The following MID1IP1 variants were observed in gnomAD, a reference collection of about 807,000 sequenced individuals.
The protein encoded by MID1IP1 is mid1-interacting protein 1.
Under a neutral mutation model 6.8 loss-of-function variants are expected in MID1IP1, and 3 were observed. That is an observed-to-expected ratio of 0.44 (90% CI 0.20 to 1.14). MID1IP1 has a LOEUF of 1.14. Among genes scored for constraint, MID1IP1 ranks in the 50% most tolerant of loss-of-function variants. The pLI is 0.26. For missense variants in MID1IP1, 127 were observed against 158.4 expected (o/e 0.80, Z 1.06); for synonymous variants, 87 against 70.4 (o/e 1.24, Z -1.18).
At position 38,805,668 on chromosome X, in the gene MID1IP1, G is replaced by T. The variant is rs1047582651; in HGVS notation, c.*170G>T. 8.3e-6 allele frequency: 4 copies of T among 482,008 alleles called. No individual in the cohort carries two copies. Among genetic ancestry groups the T allele is most frequent in the African/African-American group, 7.4e-5 (3 of 40,506 alleles). The allele number at this position is 482,008 out of a possible 1,213,427, so 39.7% of individuals were successfully genotyped here. On this transcript the variant is annotated 3_prime_UTR_variant, in exon 3 of 3. Coordinates refer to ENST00000614558, the MANE Select transcript of MID1IP1 (RefSeq NM_021242.6). ...GGGGCTGCGTGGAGGAGGGGGCCACGTGTGAGAGAGAAGAAAATGGTGGCC... is the reference window on the plus strand; with the variant it reads ...GGGGCTGCGTGGAGGAGGGGGCCACTTGTGAGAGAGAAGAAAATGGTGGCC...
chrX:38,805,435 CA>C lies in MID1IP1; in HGVS notation c.492del (p.Ala165ProfsTer78). On this transcript the variant is annotated frameshift_variant, in exon 3 of 3. Coordinates refer to ENST00000614558, the MANE Select transcript of MID1IP1 (RefSeq NM_021242.6). LOFTEE classifies it high-confidence loss of function. ...ACACTGTGCTCTCGAAACTCACGCGCAAAGCCAACATCCTCACTAACAGATA... is the reference window on the plus strand; with the variant it reads ...ACACTGTGCTCTCGAAACTCACGCGCAAGCCAACATCCTCACTAACAGATA... ...LHTVLSKLTRKANILTNRYKQ... is the reference protein window; with the variant it reads ...LHTVLSKLTRXANILTNRYKQ... 8.3e-7 allele frequency: 1 copy of C among 1,209,938 alleles called. No individual in the cohort carries two copies. Among genetic ancestry groups the C allele is most frequent in the Non-Finnish European group, 1.1e-6 (1 of 895,194 alleles).
chrX:38,804,722 G>C lies in MID1IP1; in HGVS notation c.-225G>C, dbSNP rs1229864793. 7.5e-6 allele frequency: 3 copies of C among 402,205 alleles called. No homozygotes were observed. Among genetic ancestry groups the C allele is most frequent in the Non-Finnish European group, 1.3e-5 (3 of 232,027 alleles). The allele number at this position is 402,205 out of a possible 1,213,427, so 33.1% of individuals were successfully genotyped here. ...CACAGAGCACCCTCAGCCATCGCGA[G>C]TTTCCGGGCGCCAAAGCCAGGAGAA... On this transcript the variant is annotated 5_prime_UTR_variant, in exon 3 of 3. Coordinates refer to ENST00000614558, the MANE Select transcript of MID1IP1 (RefSeq NM_021242.6).
Position 38,805,602 on chromosome X carries a change from G to A in MID1IP1, c.*104G>A, listed in dbSNP as rs1436624987. On this transcript the variant is annotated 3_prime_UTR_variant, in exon 3 of 3. Coordinates refer to ENST00000614558, the MANE Select transcript of MID1IP1 (RefSeq NM_021242.6). ...TCCTGGCTGGGGGGCGGGAAGGGCA[G>A]ACTGCAAACTGGGGGGCTGCGTACG... is the stretch of plus-strand genomic sequence containing the variant. The A allele has an allele frequency of 7.0e-5, 55 of 790,482 alleles. No individual in the cohort carries two copies. Among genetic ancestry groups the A allele is most frequent in the Non-Finnish European group, 9.6e-5 (54 of 561,222 alleles). The allele number at this position is 790,482 out of a possible 1,213,427, so 65.1% of individuals were successfully genotyped here. A position where few individuals can be genotyped will look rare whatever the true frequency, so the allele number is the denominator to read the frequency against.
rs779008236 is a variant in MID1IP1, at chrX:38,805,133, C to T, written c.187C>T (p.Leu63=). 1 of 1,209,238 alleles carries T rather than the reference C, an allele frequency of 8.3e-7. No individual in the cohort carries two copies. The highest frequency in any genetic ancestry group is 2.2e-5 in the Admixed American group (1 of 45,858). The stretch of plus-strand genomic sequence containing the variant: ...GGAGGTAGGCGGCAGTGGCGGCTGC[C>T]TGGAGGAGCGCACGCCCCCAGTCCC... ...GVEVGGSGGC[L]EERTPPVPDS... The change falls in exon 3 of 3, where the codon CTG becomes TTG. Residue 63 remains leucine (L), a synonymous_variant. Transcript: ENST00000614558.
chrX:38,802,273 G>A (rs1352936370), intron 1 of MID1IP1, among the ~76,000 whole-genome samples: 2 of 112,619 alleles, frequency 1.8e-5, no homozygotes, highest in Non-Finnish European at 3.7e-5. Flanking sequence ...AGAAACTGAG[G>A]CTAGAAAAGT....
chrX:38,804,807 T>G lies in MID1IP1; in HGVS notation c.-140T>G. The G allele has an allele frequency of 1.6e-6, 1 of 610,433 alleles. No individual in the cohort carries two copies. Among genetic ancestry groups the G allele is most frequent in the Non-Finnish European group, 2.4e-6 (1 of 416,885 alleles). The allele number at this position is 610,433 out of a possible 1,213,427, so 50.3% of individuals were successfully genotyped here. ...ACGAGAGTTGGCGAGGGCGGAGGAGTGCCGGGAATCCCGCCACACCGGCTA... is the reference window on the plus strand; with the variant it reads ...ACGAGAGTTGGCGAGGGCGGAGGAGGGCCGGGAATCCCGCCACACCGGCTA... On this transcript the variant is annotated 5_prime_UTR_variant, in exon 3 of 3. Coordinates refer to ENST00000614558, the MANE Select transcript of MID1IP1 (RefSeq NM_021242.6).
In MID1IP1 at chrX:38,804,352, G is replaced by C. The variant is rs1020038188; in HGVS notation, c.-326G>C. The C allele has an allele frequency of 1.8e-5, 2 of 113,953 alleles. No individual in the cohort carries two copies. Among genetic ancestry groups the C allele is most frequent in the African/African-American group, 6.4e-5 (2 of 31,318 alleles). The allele number at this position is 113,953 out of a possible 1,213,427, so 9.4% of individuals were successfully genotyped here. The stretch of plus-strand genomic sequence containing the variant: ...ACCGCAGCAGCGCCCTTGCGTAGCA[G>C]CCGCTTGCAGCGAGAACACTGAATT... On this transcript the variant is annotated 5_prime_UTR_variant, in exon 2 of 3. Transcript: ENST00000614558.
In MID1IP1 at chrX:38,805,640, G is replaced by A. The variant is rs1485724826; in HGVS notation, c.*142G>A. The A allele has an allele frequency of 5.3e-6, 3 of 562,147 alleles. No individual in the cohort carries two copies. Among genetic ancestry groups the A allele is most frequent in the Non-Finnish European group, 8.5e-6 (3 of 353,888 alleles). 46.3% of individuals were successfully genotyped at this position (562,147 alleles called of 1,213,427 possible). A position where few individuals can be genotyped will look rare whatever the true frequency, so the allele number is the denominator to read the frequency against. The stretch of plus-strand genomic sequence containing the variant: ...GGGGCTGCGTACGTGCAGGAGGCGC[G>A]GTGGGGCTGCGTGGAGGAGGGGGCC... On this transcript the variant is annotated 3_prime_UTR_variant, in exon 3 of 3. Transcript: ENST00000614558.
chrX:38,805,352 G>A lies in MID1IP1; in HGVS notation c.406G>A (p.Ala136Thr), dbSNP rs11541197. The change falls in exon 3 of 3, where the codon GCG becomes ACG. Residue 136 changes from alanine (A) to threonine (T), a missense_variant. By Grantham distance (58) the Ala-to-Thr change is moderately conservative. Coordinates refer to ENST00000614558, the MANE Select transcript of MID1IP1 (RefSeq NM_021242.6). ...ILVDLGHLEG[A>T]DAGEEDLEQQ... ...GGTGGACCTGGGCCACTTGGAGGGT[G>A]CGGACGCCGGCGAAGAAGACCTGGA... is the stretch of plus-strand genomic sequence containing the variant. 3 of 1,208,631 alleles carry A rather than the reference G, an allele frequency of 2.5e-6. No individual in the cohort carries two copies. In the Admixed American group the frequency reaches 6.6e-5, roughly 26 times the overall value.
At position 38,805,564 on chromosome X, in the gene MID1IP1, C is replaced by CTTT; in HGVS notation, c.*77_*79dup. On this transcript the variant is annotated 3_prime_UTR_variant, in exon 3 of 3. Transcript: ENST00000614558. ...TCTCACCCTCTCTCATTCCTCAAAG[C>CTTT]TTTTTTTTTTTTTCCTGGCTGGGGG... 4.7e-6 allele frequency: 4 copies of CTTT among 850,106 alleles called. No individual in the cohort carries two copies. Among genetic ancestry groups the CTTT allele is most frequent in the East Asian group, 3.7e-5 (1 of 27,225 alleles). 70.1% of individuals were successfully genotyped at this position (850,106 alleles called of 1,213,427 possible).
rs992021680 is a variant in MID1IP1 at position 38,804,354 on chromosome X, C to A, written c.-324C>A. On this transcript the variant is annotated 5_prime_UTR_variant, in exon 2 of 3. Transcript: ENST00000614558. ...CGCAGCAGCGCCCTTGCGTAGCAGCCGCTTGCAGCGAGAACACTGAATTGC... is the reference window on the plus strand; with the variant it reads ...CGCAGCAGCGCCCTTGCGTAGCAGCAGCTTGCAGCGAGAACACTGAATTGC... 2.2e-4 allele frequency: 25 copies of A among 113,983 alleles called. No homozygotes were observed. Among genetic ancestry groups the A allele is most frequent in the African/African-American group, 8.0e-4 (25 of 31,361 alleles). 9.4% of individuals were successfully genotyped at this position (113,983 alleles called of 1,213,427 possible).
chrX:38,804,475 G>A, intron 2 of MID1IP1, 62 bp downstream of exon 2: 1 of 66,559 alleles, frequency 1.5e-5, no homozygotes, highest in South Asian at 6.6e-4. Flanking sequence ...AGGCTTTTCG[G>A]AGGGAGAAGT....
In MID1IP1 at chrX:38,805,339, C is replaced by A. The variant is rs1382242978; in HGVS notation, c.393C>A (p.Gly131=). The change falls in exon 3 of 3, where the codon GGC becomes GGA. Residue 131 remains glycine (G), a synonymous_variant. Coordinates refer to ENST00000614558, the MANE Select transcript of MID1IP1 (RefSeq NM_021242.6). The part of the protein sequence containing the change: ...WKSKDILVDL[G]HLEGADAGEE... ...CCAAGGACATCCTGGTGGACCTGGGCCACTTGGAGGGTGCGGACGCCGGCG... is the reference window on the plus strand; with the variant it reads ...CCAAGGACATCCTGGTGGACCTGGGACACTTGGAGGGTGCGGACGCCGGCG... 2 of 1,209,456 alleles carry A rather than the reference C, an allele frequency of 1.7e-6. No individual in the cohort carries two copies. Among genetic ancestry groups the A allele is most frequent in the Admixed American group, 4.4e-5 (2 of 45,848 alleles).
At position 38,804,788 on chromosome X, in the gene MID1IP1, G is replaced by A. The variant is rs1471875931; in HGVS notation, c.-159G>A. 5 of 544,321 alleles carry A rather than the reference G, an allele frequency of 9.2e-6. No individual in the cohort carries two copies. The highest frequency in any genetic ancestry group is 7.6e-5 in the East Asian group (2 of 26,329). 44.9% of individuals were successfully genotyped at this position (544,321 alleles called of 1,213,427 possible). A position where few individuals can be genotyped will look rare whatever the true frequency, so the allele number is the denominator to read the frequency against. On this transcript the variant is annotated 5_prime_UTR_variant, in exon 3 of 3. Transcript: ENST00000614558. ...GGGCCGGTCTGCCAGCGAGACGAGA[G>A]TTGGCGAGGGCGGAGGAGTGCCGGG...
Position 38,803,400 on chromosome X carries a change from C to T in MID1IP1, c.-1278C>T, listed in dbSNP as rs2070475781. Reference sequence around the variant, plus strand: ...CTAACTACTGTCACCCTCTCCTGGCCTCTTGGCAGCCAAAAGGCCACATGG... The same window carrying T: ...CTAACTACTGTCACCCTCTCCTGGCTTCTTGGCAGCCAAAAGGCCACATGG... On this transcript the variant is annotated 5_prime_UTR_variant, in exon 2 of 3. Transcript: ENST00000614558. 1.8e-5 allele frequency: 2 copies of T among 113,243 alleles called. No individual in the cohort carries two copies. The highest frequency in any genetic ancestry group is 3.7e-5 in the Non-Finnish European group (2 of 53,446). The allele number at this position is 113,243 out of a possible 1,213,427, so 9.3% of individuals were successfully genotyped here. A position where few individuals can be genotyped will look rare whatever the true frequency, so the allele number is the denominator to read the frequency against.
Position 38,804,875 on chromosome X carries a change from G to T in MID1IP1, c.-72G>T. 1 of 1,066,311 alleles carries T rather than the reference G, an allele frequency of 9.4e-7. No individual in the cohort carries two copies. The highest frequency in any genetic ancestry group is 2.3e-5 in the South Asian group (1 of 43,097). The allele number at this position is 1,066,311 out of a possible 1,213,427, so 87.9% of individuals were successfully genotyped here. Reference sequence around the variant, plus strand: ...CGGGCCTTGGAGAGCGCGTGAAGGCGGGCATCCCCTTGACCCGGCCGACCA... The same window carrying T: ...CGGGCCTTGGAGAGCGCGTGAAGGCTGGCATCCCCTTGACCCGGCCGACCA... On this transcript the variant is annotated 5_prime_UTR_variant, in exon 3 of 3. Transcript: ENST00000614558.
intron 2 of MID1IP1, 34 bp from the exon 3 acceptor site, chrX:38,804,644 ATAATC>A (rs2070495295): frequency 4.0e-6 from 1 of 249,668 alleles, no homozygotes; most frequent in African/African-American, 2.8e-5. Context: ...AGCAGGGTGA[ATAATC>A]TAATCTGTTC....
chrX:38,804,772 T>A lies in MID1IP1; in HGVS notation c.-175T>A. On this transcript the variant is annotated 5_prime_UTR_variant, in exon 3 of 3. Transcript: ENST00000614558. ...AGCCGCCCATCCCGCAGGGCCGGTC[T>A]GCCAGCGAGACGAGAGTTGGCGAGG... 1 of 490,895 alleles carries A rather than the reference T, an allele frequency of 2.0e-6. No individual in the cohort carries two copies. The highest frequency in any genetic ancestry group is 3.2e-6 in the Non-Finnish European group (1 of 308,527). The allele number at this position is 490,895 out of a possible 1,213,427, so 40.5% of individuals were successfully genotyped here. A position where few individuals can be genotyped will look rare whatever the true frequency, so the allele number is the denominator to read the frequency against.
rs755382126 is a variant in MID1IP1 at position 38,805,011 on chromosome X, T to C, written c.65T>C (p.Ile22Thr). ...CTCTTTAACGCCATGAATCGCTTCA[T>C]TGGCGCCGTGAACAACATGGACCAG... The part of the protein sequence containing the change: ...HSLFNAMNRF[I>T]GAVNNMDQTV... Residue 22 changes from isoleucine to threonine, a missense_variant, in exon 3 of 3, where the codon ATT becomes ACT. Coordinates refer to ENST00000614558, the MANE Select transcript of MID1IP1 (RefSeq NM_021242.6). 2.5e-6 allele frequency: 3 copies of C among 1,205,573 alleles called. No homozygotes were observed. Among genetic ancestry groups the C allele is most frequent in the Non-Finnish European group, 3.4e-6 (3 of 890,994 alleles).
Sources: gnomAD v4.1 joint callset for allele counts (sites outside exome capture counted in the v4.1 genomes callset) on GRCh38, gnomAD v4.1.1 for gene constraint, MANE v1.5 for transcripts, NCBI Gene and HGNC (gene_info 2026-07-23, HGNC 2026-07-21) for gene names.